DPYD: variants seen among roughly 807,000 people sequenced by gnomAD.
DPYD encodes dihydropyrimidine dehydrogenase [NADP(+)].
In DPYD, 109 loss-of-function variants were observed where a neutral mutation model predicts 116.2. The observed-to-expected ratio is 0.94, with a 90% confidence interval of 0.80 to 1.10. The LOEUF is 1.10. Ranked by LOEUF, DPYD falls within the 50% of genes least tolerant of loss-of-function variation. DPYD has a pLI of 0.00. For missense variants in DPYD, 1,302 were observed against 1,254.5 expected (o/e 1.04, Z -0.57); for synonymous variants, 440 against 432.0 (o/e 1.02, Z -0.23).
chr1:97,749,569 C>T (rs1664756295), intron 3 of DPYD, among the ~76,000 whole-genome samples: 1 of 152,158 alleles, frequency 6.6e-6, no homozygotes, highest in Non-Finnish European at 1.5e-5. Context: ...TTATATACCA[C>T]ATTAATTTAA....
intron 18 of DPYD, among the ~76,000 whole-genome samples, chr1:97,239,299 A>T (rs1662160530): frequency 6.6e-6 from 1 of 152,206 alleles, no homozygotes; most frequent in African/African-American, 2.4e-5. Flanking sequence ...TAAGAAAATG[A>T]ACTCTCATTT....
At chr1:97,131,417 T>G (rs2101670078) in intron 20 of DPYD, among the ~76,000 whole-genome samples, 1 of 152,286 alleles carries the variant, frequency 6.6e-6, no homozygotes, top group East Asian at 1.9e-4. Flanking sequence ...ATCAGCTAAC[T>G]TTGCTAGATA....
intron 18 of DPYD, among the ~76,000 whole-genome samples, chr1:97,262,677 T>C (rs1294466783): frequency 6.6e-6 from 1 of 152,118 alleles, no homozygotes; most frequent in African/African-American, 2.4e-5. Flanking sequence ...CCAGAAGCTA[T>C]ATAAAGAACA....
intron 16 of DPYD, among the ~76,000 whole-genome samples, chr1:97,310,234 GC>G (rs1667422405): frequency 2.6e-5 from 4 of 151,698 alleles, no homozygotes; most frequent in Non-Finnish European, 5.9e-5. Context: ...CATATGACAT[GC>G]CAAGAGGTGG....
intron 12 of DPYD, among the ~76,000 whole-genome samples, chr1:97,545,004 G>C (rs752753138): frequency 6.6e-6 from 1 of 152,030 alleles, no homozygotes; most frequent in Non-Finnish European, 1.5e-5. Context: ...TGCTCAGTAA[G>C]ATTTCTGGTC....
At chr1:97,498,510 G>A (rs1679398583) in intron 13 of DPYD, among the ~76,000 whole-genome samples, 2 of 151,218 alleles carry the variant, frequency 1.3e-5, no homozygotes, top group African/African-American at 4.9e-5. Flanking sequence ...GTGTGTGTGT[G>A]TGTGTGTACT....
At chr1:97,844,050 G>C (rs954508757) in intron 2 of DPYD, among the ~76,000 whole-genome samples, 1 of 152,042 alleles carries the variant, frequency 6.6e-6, no homozygotes, top group South Asian at 2.1e-4. Context: ...AATGGTCAGG[G>C]AAGACATTTT....
chr1:97,252,448 GT>G (rs934427902), intron 18 of DPYD, among the ~76,000 whole-genome samples: 3 of 152,086 alleles, frequency 2.0e-5, no homozygotes, highest in Admixed American at 6.6e-5. Context: ...GCTCTTTCTT[GT>G]TTTTTTCCAA....
chr1:97,803,724 T>G (rs1415388095), intron 3 of DPYD, among the ~76,000 whole-genome samples: 3 of 151,892 alleles, frequency 2.0e-5, no homozygotes, highest in African/African-American at 7.2e-5. Context: ...AAAATTTCCT[T>G]GTATATAAAG....
chr1:97,584,838 T>C (rs1653973492), intron 10 of DPYD, among the ~76,000 whole-genome samples: 1 of 149,864 alleles, frequency 6.7e-6, no homozygotes, highest in African/African-American at 2.4e-5. Context: ...TTAGGTCATA[T>C]ACCTAATGCT....
At chr1:97,636,918 C>G (rs1181005169) in intron 8 of DPYD, among the ~76,000 whole-genome samples, 1 of 152,088 alleles carries the variant, frequency 6.6e-6, no homozygotes. Flanking sequence ...GGCAGGCATA[C>G]AATGTTGCAA....
intron 13 of DPYD, among the ~76,000 whole-genome samples, chr1:97,512,949 G>T (rs1279216980): frequency 6.6e-6 from 1 of 151,688 alleles, no homozygotes; most frequent in East Asian, 1.9e-4. Context: ...AGCCATTTTT[G>T]ATGTTATTTA....
chr1:97,196,005 TAA>T (rs1238331355), intron 19 of DPYD, among the ~76,000 whole-genome samples: 1 of 151,932 alleles, frequency 6.6e-6, no homozygotes. Flanking sequence ...GATGATGAAC[TAA>T]AGATATGCAG....
At chr1:97,667,869 T>G (rs1239836479) in intron 8 of DPYD, among the ~76,000 whole-genome samples, 2 of 152,116 alleles carry the variant, frequency 1.3e-5, no homozygotes, top group African/African-American at 4.8e-5. Context: ...TAAAAAATTA[T>G]TCAGTCTTAA....
chr1:97,513,289 A>G (rs1647946397), intron 13 of DPYD, among the ~76,000 whole-genome samples: 1 of 151,756 alleles, frequency 6.6e-6, no homozygotes, highest in African/African-American at 2.4e-5. Flanking sequence ...AAATCAGTGC[A>G]ATATTCAGCT....
chr1:97,514,911 A>G (rs1382029823), intron 13 of DPYD, among the ~76,000 whole-genome samples: 1 of 151,946 alleles, frequency 6.6e-6, no homozygotes, highest in Non-Finnish European at 1.5e-5. Flanking sequence ...GCCTAAGGAT[A>G]AAGCTGATTC....
chr1:97,638,415 G>A (rs1050132814), intron 8 of DPYD, among the ~76,000 whole-genome samples: 1 of 152,024 alleles, frequency 6.6e-6, no homozygotes, highest in African/African-American at 2.4e-5. Flanking sequence ...TCACCTAGGA[G>A]AAGCTACTTT....
intron 19 of DPYD, among the ~76,000 whole-genome samples, 161 bp downstream of exon 19, chr1:97,234,691 C>T (rs1570727866): frequency 6.6e-6 from 1 of 152,142 alleles, no homozygotes; most frequent in Non-Finnish European, 1.5e-5. Flanking sequence ...CAGGTCTCTT[C>T]ATAACTTGTC....
At chr1:97,711,413 T>TA (rs1450104270) in intron 5 of DPYD, among the ~76,000 whole-genome samples, 1 of 151,962 alleles carries the variant, frequency 6.6e-6, no homozygotes, top group Non-Finnish European at 1.5e-5. Flanking sequence ...ATTTATCGCA[T>TA]ACAGTACTGA....
Sources: gnomAD v4.1 joint callset for allele counts (sites outside exome capture counted in the v4.1 genomes callset) on GRCh38, gnomAD v4.1.1 for gene constraint, MANE v1.5 for transcripts, NCBI Gene and HGNC (gene_info 2026-07-23, HGNC 2026-07-21) for gene names.